EP400: variants seen among roughly 807,000 people sequenced by gnomAD.
EP400 encodes E1A binding protein p400, also known as E1A-binding protein p400.
A neutral mutation model predicts 354.1 loss-of-function variants in EP400; 105 were observed. The ratio of observed to expected loss-of-function variants is 0.30; its 90% CI spans 0.25 to 0.35. EP400 has a LOEUF of 0.35. Ranked by LOEUF, EP400 falls within the 10% of genes least tolerant of loss-of-function variation. The pLI, the probability that EP400 is intolerant of heterozygous loss-of-function variation, is 1.00. For synonymous variants in EP400, 1,646 were observed against 1,716.9 expected, an observed-to-expected ratio of 0.96 and a Z score of 1.02; for missense variants, 3,280 against 4,121.0, an observed-to-expected ratio of 0.80 and a Z score of 5.59.
intron 6 of EP400, 112 bp downstream of exon 6, chr12:131,986,919 G>C: frequency 7.7e-7 from 1 of 1,304,228 alleles, no homozygotes; most frequent in Non-Finnish European, 1.1e-6. Flanking sequence ...ATTCAGCATG[G>C]CTTGGGAATC....
Position 132,013,688 on chromosome 12 carries a change from GTTAA to G in EP400, c.3786+33_3786+36del, listed in dbSNP as rs1893834491. ...GGGTAGGTTGGGTTCTGCCATTTCA[GTTAA>G]TTAATTAAACATGCGTATGCCTTGT... On this transcript the variant is annotated intron_variant, in intron 18 of 52. Transcript: ENST00000389561. This position sits in a 1 kb window ranked among gnomAD's most constrained non-coding sequence, Gnocchi z 4.5. The G allele has an allele frequency of 1.9e-6, 3 of 1,604,450 alleles. No homozygotes were observed. Among genetic ancestry groups the G allele is most frequent in the South Asian group, 2.2e-5 (2 of 90,068 alleles).
chr12:131,986,443 A>G lies in EP400; in HGVS notation c.1930-71A>G, dbSNP rs568873062. The G allele has an allele frequency of 2.9e-4, 422 of 1,479,304 alleles. 1 individual carries two copies. The highest frequency in any genetic ancestry group is 2.5e-3 in the Middle Eastern group (10 of 4,010). 91.6% of individuals were successfully genotyped at this position (1,479,304 alleles called of 1,614,324 possible). A position where few individuals can be genotyped will look rare whatever the true frequency, so the allele number is the denominator to read the frequency against. The stretch of plus-strand genomic sequence containing the variant: ...CGCGTCTCTGGTGCTGTGGGCGCTC[A>G]GGTATTTGGCACCGTGGGCTGCCCC... On this transcript the variant is annotated intron_variant, in intron 5 of 52. Coordinates refer to ENST00000389561, the MANE Select transcript of EP400 (RefSeq NM_015409.5).
intron 39 of EP400, among the ~76,000 whole-genome samples, chr12:132,047,113 T>C (rs183537016): frequency 1.8e-4 from 27 of 152,394 alleles, no homozygotes; most frequent in Admixed American, 1.6e-3. Flanking sequence ...AATTTATTTC[T>C]GTACCCACTC....
chr12:131,991,290 C>T (rs1001224111), intron 9 of EP400, 117 bp from the exon 10 acceptor site: 9 of 937,460 alleles, frequency 9.6e-6, no homozygotes, highest in African/African-American at 4.9e-5. Flanking sequence ...GCAGAACTCA[C>T]GCGTCCTTCC....
At chr12:131,972,787 A>T (rs895645900) in intron 2 of EP400, among the ~76,000 whole-genome samples, 2 of 129,112 alleles carry the variant, frequency 1.5e-5, no homozygotes, top group African/African-American at 3.1e-5. Context: ...GCTGGAGTGC[A>T]GTGGCGCGAT....
At chr12:132,034,679 G>GT (rs1353752786) in intron 30 of EP400, among the ~76,000 whole-genome samples, 3 of 152,360 alleles carry the variant, frequency 2.0e-5, no homozygotes, top group Non-Finnish European at 4.4e-5. Context: ...GGCTGTCGCA[G>GT]TAACTGGAGG....
At chr12:131,998,704 CT>C (rs1797805094) in intron 12 of EP400, among the ~76,000 whole-genome samples, 1 of 100,570 alleles carries the variant, frequency 9.9e-6, no homozygotes, top group Non-Finnish European at 2.0e-5. Context: ...TGTATACAGT[CT>C]TGTATACAAA....
rs1376817299 is a variant in EP400, at chr12:132,077,454, G to A, written c.9153G>A (p.Val3051=). The A allele has an allele frequency of 1.2e-6, 2 of 1,613,272 alleles. No individual in the cohort carries two copies. Among genetic ancestry groups the A allele is most frequent in the Non-Finnish European group, 1.7e-6 (2 of 1,179,998 alleles). The change falls in exon 53 of 53, where the codon GTG becomes GTA. Residue 3051 remains valine, a synonymous_variant. Coordinates refer to ENST00000389561, the MANE Select transcript of EP400 (RefSeq NM_015409.5). ...LTQATAAGQQ[V]QMIPAVTATA... ...AGGCGACGGCGGCCGGGCAGCAGGT[G>A]CAGATGATCCCTGCAGTGACCGCGA...
chr12:132,022,060 T>C (rs1234918864), intron 23 of EP400, among the ~76,000 whole-genome samples: 1 of 152,056 alleles, frequency 6.6e-6, no homozygotes, highest in African/African-American at 2.4e-5. Flanking sequence ...GGAGAGGGAG[T>C]GATGCACAGA....
Position 132,018,617 on chromosome 12 carries a change from T to G in EP400, c.4277+241T>G, listed in dbSNP as rs1894022307. ...CCTCCTTGATCGTCTTTGCAGCAGT[T>G]TTAGGGTAGGGTGGGTGTCAGGGCT... On this transcript the variant is annotated intron_variant, in intron 21 of 52. Coordinates refer to ENST00000389561, the MANE Select transcript of EP400 (RefSeq NM_015409.5). The surrounding 1 kb of genome is among the most constrained non-coding windows in gnomAD (Gnocchi z 4.0). Among the ~76,000 whole-genome samples, 1 of 152,244 alleles carries G rather than the reference T, an allele frequency of 6.6e-6. No individual in the cohort carries two copies. Among genetic ancestry groups the G allele is most frequent in the Non-Finnish European group, 1.5e-5 (1 of 68,026 alleles).
rs146295048 is a variant in EP400, at chr12:132,051,649, G to T, written c.7394+994G>T. Among the ~76,000 whole-genome samples the T allele has an allele frequency of 2.0e-3, 307 of 152,302 alleles. 1 individual carries two copies. Among genetic ancestry groups the T allele is most frequent in the African/African-American group, 7.0e-3 (292 of 41,568 alleles). Reference sequence around the variant, plus strand: ...TTGCTGCTGCTAACTAAACGGCAGAGCCAGGTGTACAAGATGGAACATGAA... The same window carrying T: ...TTGCTGCTGCTAACTAAACGGCAGATCCAGGTGTACAAGATGGAACATGAA... On this transcript the variant is annotated intron_variant, in intron 41 of 52. Coordinates refer to ENST00000389561, the MANE Select transcript of EP400 (RefSeq NM_015409.5).
At chr12:131,951,065 A>ATTTTTTTTTTTTTT (rs750396319) in intron 1 of EP400, among the ~76,000 whole-genome samples, 30 of 104,164 alleles carry the variant, frequency 2.9e-4, no homozygotes, top group Non-Finnish European at 4.2e-4. Context: ...ACGCCTGGCT[A>ATTTTTTTTTTTTTT]TTTTTTTTTT....
At chr12:131,985,836 G>A (rs1943083700) in intron 5 of EP400, among the ~76,000 whole-genome samples, 1 of 152,170 alleles carries the variant, frequency 6.6e-6, no homozygotes, top group African/African-American at 2.4e-5. Context: ...TTGAACTCCT[G>A]ACCTCAGGTG....
At position 132,028,151 on chromosome 12, in the gene EP400, G is replaced by A; in HGVS notation, c.5244G>A (p.Gln1748=). The A allele has an allele frequency of 6.2e-7, 1 of 1,614,242 alleles. No homozygotes were observed. Among genetic ancestry groups the A allele is most frequent in the Non-Finnish European group, 8.5e-7 (1 of 1,180,042 alleles). Residue 1748 remains glutamine, a synonymous_variant, in exon 27 of 53, where the codon CAG becomes CAA. Transcript: ENST00000389561. The part of the protein sequence containing the change: ...ICALPSHGRV[Q]WRGSLDGRRG... ...CCCTGCCTAGCCATGGAAGGGTACA[G>A]TGGCGTGGGTCCCTGGATGGCCGTC...
Position 132,050,726 on chromosome 12 carries a change from G to C in EP400, c.7394+71G>C. Reference sequence around the variant, plus strand: ...CATTCCAGTGTCATCTAAGTTCAGTGAGTTCAGCAAATCGTTGTGCACTTA... The same window carrying C: ...CATTCCAGTGTCATCTAAGTTCAGTCAGTTCAGCAAATCGTTGTGCACTTA... On this transcript the variant is annotated intron_variant, in intron 41 of 52. Coordinates refer to ENST00000389561, the MANE Select transcript of EP400 (RefSeq NM_015409.5). This position sits in a 1 kb window ranked among gnomAD's most constrained non-coding sequence, Gnocchi z 4.8. 1 of 1,584,806 alleles carries C rather than the reference G, an allele frequency of 6.3e-7. No homozygotes were observed. The highest frequency in any genetic ancestry group is 8.7e-7 in the Non-Finnish European group (1 of 1,154,252).
intron 51 of EP400, among the ~76,000 whole-genome samples, chr12:132,069,985 G>T (rs1896022933): frequency 6.6e-6 from 1 of 151,980 alleles, no homozygotes; most frequent in Non-Finnish European, 1.5e-5. Flanking sequence ...GATATTTTTT[G>T]ATATTTCTTG....
At chr12:131,995,041 TAAC>T in intron 12 of EP400, 85 bp downstream of exon 12, 4 of 1,109,574 alleles carry the variant, frequency 3.6e-6, no homozygotes, top group Non-Finnish European at 5.4e-6. Context: ...ATATATTGAG[TAAC>T]AACAGCAGCA....
At chr12:132,046,031 A>G in intron 39 of EP400, 131 bp downstream of exon 39, 1 of 1,189,940 alleles carries the variant, frequency 8.4e-7, no homozygotes, top group Non-Finnish European at 1.2e-6. Context: ...GGTGAAGTCC[A>G]TCTCCTTGGG....
Position 132,038,512 on chromosome 12 carries a change from A to G in EP400, c.6207+416A>G, listed in dbSNP as rs1405376949. On this transcript the variant is annotated intron_variant, in intron 32 of 52. Coordinates refer to ENST00000389561, the MANE Select transcript of EP400 (RefSeq NM_015409.5). The surrounding 1 kb of genome is among the most constrained non-coding windows in gnomAD (Gnocchi z 4.2). ...GAGTCTGCACTCAGGTGCTGAGTGT[A>G]AGGTGCTGGTTGATTGCAAAGACTG... Among the ~76,000 whole-genome samples, 1 of 152,190 alleles carries G rather than the reference A, an allele frequency of 6.6e-6. No individual in the cohort carries two copies. Among genetic ancestry groups the G allele is most frequent in the Non-Finnish European group, 1.5e-5 (1 of 68,028 alleles).
Sources: allele counts gnomAD v4.1 joint callset (sites outside exome capture counted in the v4.1 genomes callset), GRCh38; gene constraint gnomAD v4.1.1; non-coding constraint Gnocchi (gnomAD v3.1); transcripts MANE v1.5; gene names NCBI Gene and HGNC (gene_info 2026-07-23, HGNC 2026-07-21).